FAM227B: variants seen among roughly 807,000 people sequenced by gnomAD.
The protein encoded by FAM227B is protein FAM227B.
A neutral mutation model predicts 73.8 loss-of-function variants in FAM227B; 88 were observed. The observed-to-expected ratio is 1.19, with a 90% confidence interval of 1.00 to 1.42. FAM227B has a LOEUF of 1.42. FAM227B is among the 40% of genes most tolerant of loss of function. FAM227B has a pLI of 0.00. For missense variants in FAM227B, 632 were observed against 590.9 expected (o/e 1.07, Z -0.72); for synonymous variants, 210 against 190.5 (o/e 1.10, Z -0.84).
chr15:49,606,690 C>G (rs1373717614), intron 3 of FAM227B, among the ~76,000 whole-genome samples: 1 of 152,228 alleles, frequency 6.6e-6, no homozygotes, highest in Non-Finnish European at 1.5e-5. Flanking sequence ...ATCCTCCTCA[C>G]CATTGTTGGG....
At chr15:49,499,757 C>T (rs908117227) in intron 11 of FAM227B, among the ~76,000 whole-genome samples, 1 of 152,008 alleles carries the variant, frequency 6.6e-6, no homozygotes, top group East Asian at 1.9e-4. Flanking sequence ...CAAGATAATT[C>T]GATGAGGAGA....
chr15:49,502,268 C>T (rs548913164), intron 11 of FAM227B, among the ~76,000 whole-genome samples: 31 of 152,310 alleles, frequency 2.0e-4, no homozygotes, highest in African/African-American at 7.0e-4. Context: ...GATCTACTGG[C>T]AGCTTGCACC....
intron 11 of FAM227B, chr15:49,424,200 AT>A: frequency 9.2e-7 from 1 of 1,091,648 alleles, no homozygotes; most frequent in East Asian, 2.4e-5. Flanking sequence ...TCAATCTACA[AT>A]TCACAGATAG....
intron 11 of FAM227B, among the ~76,000 whole-genome samples, chr15:49,373,178 A>G (rs2045955351): frequency 6.6e-6 from 1 of 152,054 alleles, no homozygotes; most frequent in Non-Finnish European, 1.5e-5. Context: ...ACACACAATA[A>G]AAAGTTTACT....
At position 49,508,154 on chromosome 15, in the gene FAM227B, AAATT is replaced by A. The variant is rs751937062; in HGVS notation, c.1012+53_1012+56del. The stretch of plus-strand genomic sequence containing the variant: ...CATTAGAAAATTCTGCCTAATAAAT[AAATT>A]AATTGATTTTTGCTACCTATTCCAT... On this transcript the variant is annotated intron_variant, in intron 11 of 15. Transcript: ENST00000299338. 4.6e-5 allele frequency: 70 copies of A among 1,532,678 alleles called. No individual in the cohort carries two copies. The Admixed American group carries it at 8.5e-4, about 19-fold the overall frequency. 94.9% of individuals were successfully genotyped at this position (1,532,678 alleles called of 1,614,324 possible).
rs148853120 is a variant in FAM227B, at chr15:49,404,115, G to A, written c.1013-32716C>T. 7.3e-3 allele frequency among the ~76,000 whole-genome samples: 1,115 copies of A among 152,220 alleles called. 17 individuals carry two copies. Among genetic ancestry groups the A allele is most frequent in the African/African-American group, 0.025 (1,049 of 41,550 alleles). ...GATTTCTAACTGTATTGTGCTGTGTGTGGTCCAAGAGACTGGTTGTTATGA... is the reference window on the plus strand; with the variant it reads ...GATTTCTAACTGTATTGTGCTGTGTATGGTCCAAGAGACTGGTTGTTATGA... On this transcript the variant is annotated intron_variant, in intron 11 of 15. Coordinates refer to ENST00000299338, the MANE Select transcript of FAM227B (RefSeq NM_152647.3).
intron 11 of FAM227B, chr15:49,486,149 T>C (rs2056386216): frequency 6.6e-6 from 1 of 152,052 alleles, no homozygotes; most frequent in African/African-American, 2.4e-5. Context: ...TTCAAAATAT[T>C]TGTCATTCAA....
intron 11 of FAM227B, chr15:49,395,854 T>A (rs551287250): frequency 2.3e-6 from 1 of 441,790 alleles, no homozygotes; most frequent in Non-Finnish European, 4.5e-6. Context: ...ATTCAAAGGA[T>A]AGAATTGAAT....
At chr15:49,473,687 T>C (rs564426765) in intron 11 of FAM227B, among the ~76,000 whole-genome samples, 2 of 152,250 alleles carry the variant, frequency 1.3e-5, no homozygotes, top group South Asian at 4.1e-4. Context: ...TATTTCAACA[T>C]TTGGAAACCA....
intron 13 of FAM227B, among the ~76,000 whole-genome samples, chr15:49,361,952 A>G (rs1021562156): frequency 3.9e-5 from 6 of 152,044 alleles, no homozygotes; most frequent in Non-Finnish European, 8.8e-5. Context: ...CTGGTCTGAG[A>G]TGGTATCTCA....
intron 8 of FAM227B, among the ~76,000 whole-genome samples, chr15:49,569,538 G>A (rs2074939547): frequency 6.6e-6 from 1 of 151,686 alleles, no homozygotes. Context: ...TATTTATAGG[G>A]TACAATGTAT....
chr15:49,562,742 T>G (rs764536992), intron 9 of FAM227B, among the ~76,000 whole-genome samples: 2 of 151,798 alleles, frequency 1.3e-5, no homozygotes, highest in East Asian at 1.9e-4. Flanking sequence ...TATAATTTTT[T>G]TAAAAAATAT....
rs553727503 is a variant in FAM227B, at chr15:49,374,632, C to A, written c.1013-3233G>T. On this transcript the variant is annotated intron_variant, in intron 11 of 15. Transcript: ENST00000299338. ...TGCAGTGGTGCCATCTAGGCTCCGC[C>A]TCCCAGGTTCAAGCGATTCTCCTGC... is the stretch of plus-strand genomic sequence containing the variant. Among the ~76,000 whole-genome samples the A allele has an allele frequency of 2.0e-5, 3 of 152,304 alleles. No individual in the cohort carries two copies. The South Asian group carries it at 6.2e-4, about 32-fold the overall frequency.
chr15:49,474,972 A>G (rs1450270111), intron 11 of FAM227B, among the ~76,000 whole-genome samples: 1 of 148,022 alleles, frequency 6.8e-6, no homozygotes, highest in East Asian at 2.0e-4. Context: ...GATAATTTGA[A>G]TTTATATTTA....
At chr15:49,473,749 T>A (rs1305933280) in intron 11 of FAM227B, among the ~76,000 whole-genome samples, 2 of 152,122 alleles carry the variant, frequency 1.3e-5, no homozygotes, top group African/African-American at 4.8e-5. Context: ...AGAAAGAATT[T>A]TAATGATTAG....
At chr15:49,331,690 GCCA>G (rs2038785250) in intron 15 of FAM227B, 87 bp downstream of exon 15, 2 of 783,708 alleles carry the variant, frequency 2.6e-6, no homozygotes, top group Non-Finnish European at 4.5e-6. Context: ...ATTTGGGTGT[GCCA>G]CCATACATTG....
At chr15:49,467,129 C>A (rs538121344) in intron 11 of FAM227B, among the ~76,000 whole-genome samples, 8 of 152,128 alleles carry the variant, frequency 5.3e-5, no homozygotes, top group Non-Finnish European at 1.0e-4. Flanking sequence ...GTAAGTTTCA[C>A]GGAGTATATT....
intron 9 of FAM227B, among the ~76,000 whole-genome samples, chr15:49,551,450 A>G (rs1288677255): frequency 6.6e-6 from 1 of 152,146 alleles, no homozygotes. Flanking sequence ...TTGGCATAGA[A>G]TACTTTTCTT....
chr15:49,575,072 G>A lies in FAM227B; in HGVS notation c.584C>T (p.Ser195Leu), dbSNP rs752012720. The change falls in exon 8 of 16, where the codon TCA becomes TTA. Residue 195 changes from serine to leucine, a missense_variant. Ser to Leu is a moderately radical substitution (Grantham distance 145, BLOSUM62 -2). Coordinates refer to ENST00000299338, the MANE Select transcript of FAM227B (RefSeq NM_152647.3). ...ATGCAAAAGAGCAATGGAGGCTTCT[G>A]AGAGAAAATGAGTCTTCCAGATTTT... ...VFKIWKTHFL[S>L]EASIALLHDS... The A allele has an allele frequency of 2.5e-6, 4 of 1,603,190 alleles. No individual in the cohort carries two copies. In the East Asian group the frequency reaches 9.0e-5, roughly 36 times the overall value.
Sources: gnomAD v4.1 joint callset for allele counts (sites outside exome capture counted in the v4.1 genomes callset) on GRCh38, gnomAD v4.1.1 for gene constraint, MANE v1.5 for transcripts, NCBI Gene and HGNC (gene_info 2026-07-23, HGNC 2026-07-21) for gene names.